RNF13: variants seen among roughly 807,000 people sequenced by gnomAD.
RNF13 encodes ring finger protein 13.
In RNF13, 19 loss-of-function variants were observed where a neutral mutation model predicts 37.7. That is an observed-to-expected ratio of 0.50 (90% CI 0.35 to 0.74). The LOEUF (loss-of-function observed/expected upper bound fraction) is 0.74, where lower values mean the gene tolerates loss of function less well. RNF13 is among the 30% of genes least tolerant of loss of function. RNF13 has a pLI of 0.01. For synonymous variants in RNF13, 144 were observed against 157.8 expected, an observed-to-expected ratio of 0.91 and a Z score of 0.65; for missense variants, 375 against 453.0, an observed-to-expected ratio of 0.83 and a Z score of 1.56.
At chr3:149,864,610 A>T (rs1348641848) in intron 3 of RNF13, among the ~76,000 whole-genome samples, 3 of 152,248 alleles carry the variant, frequency 2.0e-5, no homozygotes, top group African/African-American at 7.2e-5. Context: ...GTACCAAATG[A>T]GAGGCACACA....
At chr3:149,913,482 A>C (rs760543367) in intron 7 of RNF13, among the ~76,000 whole-genome samples, 1 of 152,230 alleles carries the variant, frequency 6.6e-6, no homozygotes, top group Non-Finnish European at 1.5e-5. Flanking sequence ...AGAAACTGAC[A>C]TTGGTACATT....
intron 8 of RNF13, 64 bp from the exon 9 acceptor site, chr3:149,959,992 T>C: frequency 9.5e-7 from 1 of 1,055,288 alleles, no homozygotes. Context: ...AGGCAGTAAC[T>C]GAGGACTAAC....
chr3:149,929,968 C>A (rs1408661611), intron 8 of RNF13, among the ~76,000 whole-genome samples: 1 of 152,176 alleles, frequency 6.6e-6, no homozygotes, highest in African/African-American at 2.4e-5. Context: ...CTCTGTTGCC[C>A]AGGCTGGAGT....
intron 1 of RNF13, among the ~76,000 whole-genome samples, chr3:149,818,222 C>A (rs911516956): frequency 6.6e-6 from 1 of 152,132 alleles, no homozygotes; most frequent in Admixed American, 6.5e-5. Context: ...AGGCACTGTT[C>A]TAAAGAGAAA....
chr3:149,855,591 C>T (rs189054173), intron 3 of RNF13, among the ~76,000 whole-genome samples: 10 of 148,542 alleles, frequency 6.7e-5, no homozygotes, highest in African/African-American at 9.9e-5. Flanking sequence ...TATATATATA[C>T]GTGTATATAT....
rs137931519 is a variant in RNF13 at position 149,926,322 on chromosome 3, T to C, written c.700+5095T>C. On this transcript the variant is annotated intron_variant, in intron 8 of 9. Coordinates refer to ENST00000392894, the MANE Select transcript of RNF13 (RefSeq NM_183381.3). ...CGCCTCCCGAGTTCACACTATTCTC[T>C]TGCCTCATCCTGCCGAGTAGCTGGG... is the stretch of plus-strand genomic sequence containing the variant. 3.9e-3 allele frequency among the ~76,000 whole-genome samples: 599 copies of C among 152,186 alleles called. 3 individuals carry two copies. The highest frequency in any genetic ancestry group is 0.014 in the African/African-American group (571 of 41,528).
intron 4 of RNF13, among the ~76,000 whole-genome samples, chr3:149,890,131 G>C (rs1194931425): frequency 6.6e-6 from 1 of 152,138 alleles, no homozygotes; most frequent in Non-Finnish European, 1.5e-5. Context: ...CATTCTCCAA[G>C]TTCCCTAAGT....
At chr3:149,833,603 A>C (rs1268651287) in intron 1 of RNF13, among the ~76,000 whole-genome samples, 1 of 152,212 alleles carries the variant, frequency 6.6e-6, no homozygotes, top group Non-Finnish European at 1.5e-5. Context: ...AACTGAAAAT[A>C]GAAGGAGACT....
chr3:149,931,568 A>C (rs746861197), intron 8 of RNF13, among the ~76,000 whole-genome samples: 6 of 151,882 alleles, frequency 4.0e-5, no homozygotes, highest in Admixed American at 2.0e-4. Context: ...TTTTTTATTG[A>C]TATATAATAG....
intron 1 of RNF13, among the ~76,000 whole-genome samples, chr3:149,841,612 G>T (rs1393909396): frequency 1.3e-5 from 2 of 151,980 alleles, no homozygotes; most frequent in African/African-American, 4.8e-5. Context: ...AGGTTGAGCA[G>T]ATTCTTTTTT....
At chr3:149,840,069 T>C (rs1300208514) in intron 1 of RNF13, among the ~76,000 whole-genome samples, 1 of 152,204 alleles carries the variant, frequency 6.6e-6, no homozygotes, top group Non-Finnish European at 1.5e-5. Flanking sequence ...GCTAAAGGCT[T>C]GTTAGAACTG....
chr3:149,891,048 C>T (rs1714643383), intron 4 of RNF13, among the ~76,000 whole-genome samples: 1 of 152,154 alleles, frequency 6.6e-6, no homozygotes, highest in South Asian at 2.1e-4. Context: ...TCTTTCTAGA[C>T]ATTTGTAAAA....
intron 8 of RNF13, among the ~76,000 whole-genome samples, chr3:149,956,134 A>T (rs1721840662): frequency 2.0e-5 from 3 of 152,148 alleles, no homozygotes; most frequent in Admixed American, 6.6e-5. Context: ...CATCATAAGG[A>T]GGTCAAATTT....
intron 2 of RNF13, among the ~76,000 whole-genome samples, chr3:149,846,629 A>C (rs1413705354): frequency 2.0e-5 from 3 of 152,130 alleles, no homozygotes; most frequent in African/African-American, 7.2e-5. Flanking sequence ...CTATTGCTTC[A>C]TATCTAATGT....
chr3:149,846,305 G>A (rs888895212), intron 2 of RNF13, among the ~76,000 whole-genome samples, 165 bp downstream of exon 2: 3 of 152,014 alleles, frequency 2.0e-5, no homozygotes, highest in Admixed American at 2.0e-4. Flanking sequence ...TTATTCATTT[G>A]TTTATTTATT....
chr3:149,911,314 T>C (rs1716974170), intron 6 of RNF13, among the ~76,000 whole-genome samples: 1 of 152,168 alleles, frequency 6.6e-6, no homozygotes, highest in Admixed American at 6.6e-5. Context: ...GGTACTACCA[T>C]GATTTTACGT....
chr3:149,959,154 A>G (rs1000004986), intron 8 of RNF13, among the ~76,000 whole-genome samples: 2 of 152,192 alleles, frequency 1.3e-5, no homozygotes, highest in South Asian at 2.1e-4. Flanking sequence ...CATGTAGTGG[A>G]AAAAAACTCA....
chr3:149,945,358 G>T (rs1286832679), intron 8 of RNF13, among the ~76,000 whole-genome samples: 1 of 152,310 alleles, frequency 6.6e-6, no homozygotes, highest in East Asian at 1.9e-4. Context: ...GCGGCAGCAA[G>T]GCTGGGGGGT....
At chr3:149,820,873 A>C (rs909963888) in intron 1 of RNF13, among the ~76,000 whole-genome samples, 1 of 152,142 alleles carries the variant, frequency 6.6e-6, no homozygotes, top group African/African-American at 2.4e-5. Context: ...TATTCTGGAT[A>C]TTTTATATAA....
Sources: gnomAD v4.1 joint callset for allele counts (sites outside exome capture counted in the v4.1 genomes callset) on GRCh38, gnomAD v4.1.1 for gene constraint, MANE v1.5 for transcripts, NCBI Gene and HGNC (gene_info 2026-07-23, HGNC 2026-07-21) for gene names.